The following MYB variants were observed in gnomAD, a reference collection of about 807,000 sequenced individuals.
The protein encoded by MYB is transcriptional activator Myb.
Under a neutral mutation model 92.9 loss-of-function variants are expected in MYB, and 28 were observed. That is an observed-to-expected ratio of 0.30 (90% CI 0.22 to 0.41). MYB has a LOEUF of 0.41. Ranked by LOEUF, MYB falls within the 10% of genes least tolerant of loss-of-function variation. MYB has a pLI of 1.00. For synonymous variants in MYB, 295 were observed against 329.1 expected (o/e 0.90, Z 1.12); for missense variants, 679 against 929.3 (o/e 0.73, Z 3.50).
chr6:135,201,632 C>T lies in MYB; in HGVS notation c.1951-7C>T, dbSNP rs777894100. 3 of 1,594,492 alleles carry T rather than the reference C, an allele frequency of 1.9e-6. No individual in the cohort carries two copies. Among genetic ancestry groups the T allele is most frequent in the East Asian group, 4.5e-5 (2 of 44,328 alleles). ...GAAACAACAAAGCACTTTCTATATG[C>T]TTTTAGGTGGAATCTCCAACTGATA... is the stretch of plus-strand genomic sequence containing the variant. On this transcript the variant is annotated splice_polypyrimidine_tract_variant and splice_region_variant and intron_variant, in intron 13 of 15. Coordinates refer to ENST00000341911, the MANE Select transcript of MYB (RefSeq NM_001130173.2).
intron 13 of MYB, among the ~76,000 whole-genome samples, chr6:135,201,314 C>T (rs1219383788): frequency 3.9e-5 from 6 of 152,004 alleles, no homozygotes. Context: ...TCTTTTATGT[C>T]ACCAAAATAA....
At position 135,218,913 on chromosome 6, in the gene MYB, G is replaced by A. The variant is rs1780756652; in HGVS notation, c.*933G>A. The A allele has an allele frequency of 4.4e-6, 1 of 228,554 alleles. No homozygotes were observed. The allele number at this position is 228,554 out of a possible 1,614,324, so 14.2% of individuals were successfully genotyped here. A position where few individuals can be genotyped will look rare whatever the true frequency, so the allele number is the denominator to read the frequency against. On this transcript the variant is annotated 3_prime_UTR_variant, in exon 16 of 16. Transcript: ENST00000341911. ...GAGATGTGTGTTGTTGATGTTCTAT[G>A]TTTTGTTTTGAGTGTAGCCTGACTG...
At chr6:135,193,062 T>C (rs1411101975) in intron 6 of MYB, among the ~76,000 whole-genome samples, 1 of 152,214 alleles carries the variant, frequency 6.6e-6, no homozygotes, top group African/African-American at 2.4e-5. Flanking sequence ...ATTTATTCAC[T>C]CAGTAAGTGT....
chr6:135,204,385 G>A (rs770382136), intron 15 of MYB, among the ~76,000 whole-genome samples: 8 of 152,030 alleles, frequency 5.3e-5, no homozygotes, highest in Non-Finnish European at 7.4e-5. Context: ...TGCAACCTCC[G>A]CCTCCCAGAT....
Position 135,181,493 on chromosome 6 carries a change from G to T in MYB, c.-21G>T. On this transcript the variant is annotated 5_prime_UTR_variant, in exon 1 of 16. Transcript: ENST00000341911. The surrounding 1 kb of genome is among the most constrained non-coding windows in gnomAD (Gnocchi z 5.3). ...GGTGCGGTCCCCGCGGCTCTCGGCG[G>T]AGCCCCGCGCCCGCCGCGCCATGGC... 3 of 1,126,976 alleles carry T rather than the reference G, an allele frequency of 2.7e-6. No homozygotes were observed. The South Asian group carries it at 1.3e-4, about 48-fold the overall frequency. The allele number at this position is 1,126,976 out of a possible 1,614,324, so 69.8% of individuals were successfully genotyped here.
chr6:135,196,022 G>A lies in MYB; in HGVS notation c.1203+20G>A, dbSNP rs766198539. On this transcript the variant is annotated intron_variant, in intron 9 of 15. Transcript: ENST00000341911. ...GATTCTGTAAGTAGAATTGTGAAGG[G>A]AAGTTAACGATTCTGGAAGATAAAT... is the stretch of plus-strand genomic sequence containing the variant. 6.2e-7 allele frequency: 1 copy of A among 1,604,590 alleles called. No individual in the cohort carries two copies. The highest frequency in any genetic ancestry group is 8.5e-7 in the Non-Finnish European group (1 of 1,172,882).
chr6:135,192,470 A>G lies in MYB; in HGVS notation c.674A>G (p.Gln225Arg), dbSNP rs775714562. The G allele has an allele frequency of 1.9e-6, 3 of 1,614,246 alleles. No homozygotes were observed. The highest frequency in any genetic ancestry group is 8.5e-7 in the Non-Finnish European group (1 of 1,180,044). ...QKNSHLMGFA[Q>R]APPTAQLPAT... ...AACAGTCATTTGATGGGTTTTGCTC[A>G]GGCTCCGCCTACAGCTCAACTCCCT... The change falls in exon 6 of 16, where the codon CAG becomes CGG. Residue 225 changes from glutamine (Q) to arginine (R), a missense_variant. Around this residue, in one of 8 missense-constraint regions of MYB, gnomAD observed 32 missense variants for 29.9 expected, o/e 1.07. Transcript: ENST00000341911.
At chr6:135,185,760 A>G in intron 1 of MYB, 143 bp from the exon 2 acceptor site, 1 of 719,014 alleles carries the variant, frequency 1.4e-6, no homozygotes, top group East Asian at 2.5e-5. Context: ...AATGCAGCAA[A>G]CAATCTTGTT....
chr6:135,212,223 A>ATTTTT (rs1779804642), intron 15 of MYB, among the ~76,000 whole-genome samples: 2 of 16,896 alleles, frequency 1.2e-4, no homozygotes, highest in Non-Finnish European at 1.3e-4. Flanking sequence ...CTTTGGTTTT[A>ATTTTT]CTTTTTTTTT....
intron 15 of MYB, among the ~76,000 whole-genome samples, chr6:135,212,705 C>T (rs1324829289): frequency 2.6e-5 from 4 of 152,100 alleles, no homozygotes; most frequent in Non-Finnish European, 4.4e-5. Flanking sequence ...GCAAGAGCAC[C>T]ATGGGTTAGT....
Position 135,219,170 on chromosome 6 carries a change from C to T in MYB, c.*1190C>T, listed in dbSNP as rs1365258788. The stretch of plus-strand genomic sequence containing the variant: ...AAATAAAGATGTGCCCTTATTTTAC[C>T]TACTTTTGTTTTCTCTCTTATTTGT... On this transcript the variant is annotated 3_prime_UTR_variant, in exon 16 of 16. Transcript: ENST00000341911. 8 of 208,490 alleles carry T rather than the reference C, an allele frequency of 3.8e-5. No individual in the cohort carries two copies. Among genetic ancestry groups the T allele is most frequent in the Non-Finnish European group, 6.9e-5 (7 of 102,080 alleles). 12.9% of individuals were successfully genotyped at this position (208,490 alleles called of 1,614,324 possible).
At chr6:135,204,011 A>C in intron 15 of MYB, 1 of 575,888 alleles carries the variant, frequency 1.7e-6, no homozygotes, top group Admixed American at 5.0e-5. Context: ...TCTGACATTA[A>C]ATAGCCCAAT....
intron 15 of MYB, among the ~76,000 whole-genome samples, chr6:135,208,061 A>ATTTTTTAATTTC (rs1384531240): frequency 6.0e-5 from 8 of 133,472 alleles, no homozygotes; most frequent in Non-Finnish European, 1.1e-4. Context: ...TTTTATTTTT[A>ATTTTTTAATTTC]TTTTTTAATT....
chr6:135,212,962 T>C (rs1281763346), intron 15 of MYB, among the ~76,000 whole-genome samples: 1 of 152,236 alleles, frequency 6.6e-6, no homozygotes, highest in Non-Finnish European at 1.5e-5. Context: ...TCTTTTTTTT[T>C]GTACCAAAGT....
At chr6:135,196,923 C>CA in intron 9 of MYB, 38 bp from the exon 10 acceptor site, 2 of 1,595,626 alleles carry the variant, frequency 1.3e-6, no homozygotes, top group Non-Finnish European at 1.7e-6. Context: ...TGATGGCACA[C>CA]ACTATCTCAA....
chr6:135,214,135 A>G (rs1349105626), intron 15 of MYB, among the ~76,000 whole-genome samples: 1 of 152,028 alleles, frequency 6.6e-6, no homozygotes, highest in Non-Finnish European at 1.5e-5. Flanking sequence ...TAAAAAACAT[A>G]GCTGGGCATG....
chr6:135,181,404 G>T lies in MYB; in HGVS notation c.-110G>T. The stretch of plus-strand genomic sequence containing the variant: ...CTGAGAAACTTCGCCCCAGCGGTGC[G>T]GAGCGCCGCTGCGCAGCCGGGGAGG... On this transcript the variant is annotated 5_prime_UTR_variant, in exon 1 of 16. Transcript: ENST00000341911. This position sits in a 1 kb window ranked among gnomAD's most constrained non-coding sequence, Gnocchi z 5.3. 1.4e-6 allele frequency: 1 copy of T among 721,776 alleles called. No homozygotes were observed. The highest frequency in any genetic ancestry group is 1.8e-6 in the Non-Finnish European group (1 of 565,292). The allele number at this position is 721,776 out of a possible 1,614,324, so 44.7% of individuals were successfully genotyped here. A position where few individuals can be genotyped will look rare whatever the true frequency, so the allele number is the denominator to read the frequency against.
chr6:135,212,699 G>C (rs1468180785), intron 15 of MYB, among the ~76,000 whole-genome samples: 1 of 152,214 alleles, frequency 6.6e-6, no homozygotes, highest in Non-Finnish European at 1.5e-5. Flanking sequence ...ATGTCTGCAA[G>C]AGCACCATGG....
intron 15 of MYB, among the ~76,000 whole-genome samples, chr6:135,215,687 A>G (rs1780337311): frequency 6.6e-6 from 1 of 152,006 alleles, no homozygotes; most frequent in South Asian, 2.1e-4. Flanking sequence ...CTGGCAATGT[A>G]CAAATTGCAG....
Sources: allele counts gnomAD v4.1 joint callset (sites outside exome capture counted in the v4.1 genomes callset), GRCh38; gene constraint gnomAD v4.1.1; regional missense constraint gnomAD v4.1.1; non-coding constraint Gnocchi (gnomAD v3.1); transcripts MANE v1.5; gene names NCBI Gene and HGNC (gene_info 2026-07-23, HGNC 2026-07-21).